The following TPCN1 variants were observed in gnomAD, a reference collection of about 807,000 sequenced individuals.
TPCN1 encodes the protein two pore channel protein 1.
A neutral mutation model predicts 108.8 loss-of-function variants in TPCN1; 52 were observed. The ratio of observed to expected loss-of-function variants is 0.48; its 90% CI spans 0.38 to 0.60. The LOEUF (loss-of-function observed/expected upper bound fraction) is 0.60. Among genes scored for constraint, TPCN1 ranks in the 20% least tolerant of loss-of-function variants. The probability of loss-of-function intolerance (pLI) is 0.00; values close to 1 mark genes in which losing one functional copy is unlikely to be tolerated. For synonymous variants in TPCN1, 446 were observed against 433.7 expected (o/e 1.03, Z -0.35); for missense variants, 806 against 1,072.8 (o/e 0.75, Z 3.47).
intron 2 of TPCN1, among the ~76,000 whole-genome samples, chr12:113,230,634 AAC>A (rs1953654646): frequency 6.6e-6 from 1 of 151,998 alleles, no homozygotes; most frequent in Non-Finnish European, 1.5e-5. Context: ...CCTTTCTCCA[AAC>A]ACAGTCACAT....
intron 2 of TPCN1, among the ~76,000 whole-genome samples, chr12:113,247,578 C>G (rs1213985225): frequency 1.3e-5 from 2 of 152,250 alleles, no homozygotes; most frequent in African/African-American, 4.8e-5. Context: ...ATTAGCACTC[C>G]ACGAGGTGGC....
chr12:113,273,192 T>C lies in TPCN1; in HGVS notation c.784-40T>C. Reference sequence around the variant, plus strand: ...GCCTGTTCCTGATGGCCGTGTGCTCTTGGCTGGTCCCGACTTCTCTGCCCT... The same window carrying C: ...GCCTGTTCCTGATGGCCGTGTGCTCCTGGCTGGTCCCGACTTCTCTGCCCT... On this transcript the variant is annotated intron_variant, in intron 8 of 27. Coordinates refer to ENST00000335509, the MANE Select transcript of TPCN1 (RefSeq NM_017901.6). This position sits in a 1 kb window ranked among gnomAD's most constrained non-coding sequence, Gnocchi z 4.0. The C allele has an allele frequency of 6.2e-7, 1 of 1,603,582 alleles. No individual in the cohort carries two copies.
Position 113,277,248 on chromosome 12 carries a change from C to G in TPCN1, c.1068C>G (p.Ala356=), listed in dbSNP as rs750493755. The change falls in exon 12 of 28, where the codon GCC becomes GCG. Residue 356 remains alanine, a synonymous_variant. Coordinates refer to ENST00000335509, the MANE Select transcript of TPCN1 (RefSeq NM_017901.6). ...YRLLISQRRP[A]GISYRQFEGL... ...TCTTCCCTCTCCCCCAGAGGCCTGC[C>G]GGCATCTCCTACAGGCAGTTTGAAG... 3 of 1,612,976 alleles carry G rather than the reference C, an allele frequency of 1.9e-6. No individual in the cohort carries two copies. The highest frequency in any genetic ancestry group is 1.3e-5 in the African/African-American group (1 of 74,918).
At chr12:113,275,423 T>C (rs1280127144) in intron 10 of TPCN1, among the ~76,000 whole-genome samples, 1 of 151,742 alleles carries the variant, frequency 6.6e-6, no homozygotes, top group Non-Finnish European at 1.5e-5. Flanking sequence ...TTTGTATTTT[T>C]GGTAGAGACA....
At chr12:113,278,527 G>A (rs1167595394) in intron 13 of TPCN1, among the ~76,000 whole-genome samples, 1 of 152,258 alleles carries the variant, frequency 6.6e-6, no homozygotes, top group Non-Finnish European at 1.5e-5. Flanking sequence ...TACCTGGGAA[G>A]TGGCGTAAGG....
At chr12:113,252,649 C>A (rs1370124622) in intron 2 of TPCN1, among the ~76,000 whole-genome samples, 1 of 152,204 alleles carries the variant, frequency 6.6e-6, no homozygotes, top group Admixed American at 6.5e-5. Flanking sequence ...CGGTGCCAGC[C>A]CCTGCTGGGG....
chr12:113,229,862 C>T (rs1027947416), intron 2 of TPCN1, among the ~76,000 whole-genome samples: 9 of 152,222 alleles, frequency 5.9e-5, no homozygotes, highest in Non-Finnish European at 1.2e-4. Flanking sequence ...GGGACTTTCC[C>T]ATCCCTCTAT....
intron 27 of TPCN1, among the ~76,000 whole-genome samples, chr12:113,293,947 C>A (rs930414976): frequency 1.3e-5 from 2 of 152,220 alleles, no homozygotes; most frequent in Non-Finnish European, 2.9e-5. Context: ...AAGCGATTCT[C>A]CTGCCTCAGC....
chr12:113,255,213 G>A (rs988601070), intron 2 of TPCN1, among the ~76,000 whole-genome samples: 6 of 152,170 alleles, frequency 3.9e-5, no homozygotes, highest in Non-Finnish European at 8.8e-5. Context: ...AGGCTAGAAG[G>A]CCAACATATA....
intron 7 of TPCN1, among the ~76,000 whole-genome samples, chr12:113,271,946 A>G (rs1955517370): frequency 6.6e-6 from 1 of 152,236 alleles, no homozygotes; most frequent in Non-Finnish European, 1.5e-5. Context: ...TCCTTTCACC[A>G]GGACTCCGCA....
chr12:113,243,877 A>C (rs1044831656), intron 2 of TPCN1, among the ~76,000 whole-genome samples: 1 of 152,210 alleles, frequency 6.6e-6, no homozygotes, highest in Non-Finnish European at 1.5e-5. Context: ...GGAAGTGGGC[A>C]TCTCAGGCTG....
intron 3 of TPCN1, among the ~76,000 whole-genome samples, chr12:113,264,238 G>A (rs1955157838): frequency 6.6e-6 from 1 of 152,164 alleles, no homozygotes; most frequent in Non-Finnish European, 1.5e-5. Flanking sequence ...TGCTCCCTTT[G>A]ACATGCCTGC....
At chr12:113,233,213 G>A (rs147790972) in intron 2 of TPCN1, among the ~76,000 whole-genome samples, 5 of 152,224 alleles carry the variant, frequency 3.3e-5, no homozygotes, top group African/African-American at 1.2e-4. Flanking sequence ...CCCCTTTCCC[G>A]CACACAAGAC....
chr12:113,236,335 C>G (rs1284208536), intron 2 of TPCN1, among the ~76,000 whole-genome samples: 2 of 152,220 alleles, frequency 1.3e-5, no homozygotes, highest in Non-Finnish European at 2.9e-5. Flanking sequence ...TGTTTGTTAC[C>G]TGCCTGGTGC....
rs572861685 is a variant in TPCN1, at chr12:113,296,914, C to A, written c.*838C>A. ...CAAATCCCTTTTTTTGCGATTTACC[C>A]GTTCAAGCAAAACAACGTTTTGGTT... On this transcript the variant is annotated 3_prime_UTR_variant, in exon 28 of 28. Coordinates refer to ENST00000335509, the MANE Select transcript of TPCN1 (RefSeq NM_017901.6). 1 of 152,410 alleles carries A rather than the reference C, an allele frequency of 6.6e-6. No individual in the cohort carries two copies. Among genetic ancestry groups the A allele is most frequent in the East Asian group, 1.9e-4 (1 of 5,184 alleles). The allele number at this position is 152,410 out of a possible 1,614,324, so 9.4% of individuals were successfully genotyped here.
chr12:113,280,872 A>G (rs1223320869), intron 15 of TPCN1, among the ~76,000 whole-genome samples: 1 of 152,114 alleles, frequency 6.6e-6, no homozygotes, highest in Non-Finnish European at 1.5e-5. Flanking sequence ...CTGGGTGCTC[A>G]TTGCTTGGGT....
chr12:113,295,457 A>AG (rs1351299148), intron 27 of TPCN1, among the ~76,000 whole-genome samples: 7 of 151,912 alleles, frequency 4.6e-5, no homozygotes, highest in Admixed American at 3.9e-4. Flanking sequence ...AAAAAAAAAA[A>AG]AAAAAAGGAA....
intron 1 of TPCN1, chr12:113,225,356 G>C (rs754678492): frequency 2.7e-6 from 1 of 371,926 alleles, no homozygotes; most frequent in South Asian, 1.9e-5. Context: ...ACTGTGCCCA[G>C]CCTATTTTTT....
chr12:113,280,379 G>C (rs938451958), intron 15 of TPCN1, 184 bp downstream of exon 15: 4 of 486,248 alleles, frequency 8.2e-6, no homozygotes, highest in African/African-American at 5.8e-5. Flanking sequence ...TCACCCATCT[G>C]TATCTTCACT....
Sources: allele counts gnomAD v4.1 joint callset (sites outside exome capture counted in the v4.1 genomes callset), GRCh38; gene constraint gnomAD v4.1.1; non-coding constraint Gnocchi (gnomAD v3.1); transcripts MANE v1.5; gene names NCBI Gene and HGNC (gene_info 2026-07-23, HGNC 2026-07-21).